Variants in PTPRD observed in about 807,000 individuals in gnomAD.
PTPRD encodes the protein receptor-type tyrosine-protein phosphatase delta.
A neutral mutation model predicts 214.5 loss-of-function variants in PTPRD; 34 were observed. The observed-to-expected ratio is 0.16, with a 90% confidence interval of 0.12 to 0.21. The LOEUF (loss-of-function observed/expected upper bound fraction) is 0.21. Among genes scored for constraint, PTPRD ranks in the 10% least tolerant of loss-of-function variants. The pLI, the probability that PTPRD is intolerant of heterozygous loss-of-function variation, is 1.00. For synonymous variants in PTPRD, 1,128 were observed against 845.7 expected (o/e 1.33, Z -5.79); for missense variants, 2,545 against 2,398.7 (o/e 1.06, Z -1.27).
intron 9 of PTPRD, among the ~76,000 whole-genome samples, chr9:9,275,199 T>TATATATGTTATATATA (rs1491465404): frequency 9.6e-5 from 1 of 10,394 alleles, no homozygotes; most frequent in African/African-American, 2.4e-4. Flanking sequence ...TATATATATA[T>TATATATGTTATATATA]TATATATATA....
chr9:10,609,671 T>C (rs968165096), intron 2 of PTPRD, among the ~76,000 whole-genome samples: 1 of 152,130 alleles, frequency 6.6e-6, no homozygotes, highest in African/African-American at 2.4e-5. Context: ...AGGAAAGATA[T>C]CATGGCATTC....
chr9:9,487,305 G>C (rs1050444995), intron 8 of PTPRD, among the ~76,000 whole-genome samples: 1 of 151,404 alleles, frequency 6.6e-6, no homozygotes, highest in Admixed American at 6.6e-5. Flanking sequence ...GTGAGAACAT[G>C]TGGTGTTTAG....
chr9:9,712,749 G>A (rs1479062288), intron 7 of PTPRD, among the ~76,000 whole-genome samples: 1 of 152,082 alleles, frequency 6.6e-6, no homozygotes, highest in East Asian at 1.9e-4. Flanking sequence ...TGCTTCATCT[G>A]AGCACTTAAA....
chr9:9,620,313 A>G (rs2095167567), intron 7 of PTPRD, among the ~76,000 whole-genome samples: 1 of 151,628 alleles, frequency 6.6e-6, no homozygotes, highest in Admixed American at 6.6e-5. Flanking sequence ...GGTAAGAACT[A>G]TGCCAAATTG....
At chr9:8,520,336 T>G (rs1007418470) in intron 20 of PTPRD, among the ~76,000 whole-genome samples, 1 of 152,162 alleles carries the variant, frequency 6.6e-6, no homozygotes, top group African/African-American at 2.4e-5. Flanking sequence ...TTATATAGCA[T>G]ATATTTGATA....
At position 10,050,559 on chromosome 9, in the gene PTPRD, C is replaced by CAAAAAAAAAAAAAAAAAAAAAA. The variant is rs1164243746; in HGVS notation, c.-544-16791_-544-16770dup. ...TGGGCAATAAAGAGAGAGTCTGTCTCAAAAAAAAAAAAAAAAAAAAAAAAA... is the reference window on the plus strand; with the variant it reads ...TGGGCAATAAAGAGAGAGTCTGTCTCAAAAAAAAAAAAAAAAAAAAAAAAAAAAAAAAAAAAAAAAAAAAAAA... On this transcript the variant is annotated intron_variant, in intron 3 of 45. Transcript: ENST00000381196. 3.6e-4 allele frequency among the ~76,000 whole-genome samples: 5 copies of CAAAAAAAAAAAAAAAAAAAAAA among 14,000 alleles called. 1 individual carries two copies. The highest frequency in any genetic ancestry group is 9.5e-4 in the African/African-American group (5 of 5,238). 9.2% of individuals were successfully genotyped at this position (14,000 alleles called of 152,430 possible).
chr9:10,158,432 T>G (rs971588898), intron 3 of PTPRD, among the ~76,000 whole-genome samples: 2 of 152,220 alleles, frequency 1.3e-5, no homozygotes, highest in Admixed American at 6.5e-5. Context: ...TAATAATGAA[T>G]TGCTCTGTTA....
At chr9:9,774,345 G>A (rs1037048965) in intron 5 of PTPRD, among the ~76,000 whole-genome samples, 4 of 152,156 alleles carry the variant, frequency 2.6e-5, no homozygotes. Flanking sequence ...CACATTTTAA[G>A]ATGTATTTTA....
intron 5 of PTPRD, among the ~76,000 whole-genome samples, chr9:9,937,366 CTTCT>C (rs34733943): frequency 0.36 from 53,948 of 149,828 alleles, 10,304 homozygotes; most frequent in East Asian, 0.73. Context: ...ATGCCTGCTC[CTTCT>C]TTCATGTCAG....
intron 11 of PTPRD, among the ~76,000 whole-genome samples, chr9:8,805,421 T>G (rs1448280609): frequency 6.6e-6 from 1 of 152,134 alleles, no homozygotes; most frequent in African/African-American, 2.4e-5. Context: ...GAAAATATTA[T>G]GCACATCATC....
chr9:10,334,082 A>T (rs1180026874), intron 3 of PTPRD, among the ~76,000 whole-genome samples: 1 of 151,750 alleles, frequency 6.6e-6, no homozygotes, highest in Non-Finnish European at 1.5e-5. Flanking sequence ...AAATATTATG[A>T]TATCAATGAC....
At chr9:9,159,770 G>C (rs185240959) in intron 10 of PTPRD, among the ~76,000 whole-genome samples, 5 of 152,174 alleles carry the variant, frequency 3.3e-5, no homozygotes, top group African/African-American at 1.2e-4. Flanking sequence ...TGAGCAAAAA[G>C]AATAAAATAG....
intron 36 of PTPRD, among the ~76,000 whole-genome samples, chr9:8,396,734 A>G (rs1357961437): frequency 6.6e-6 from 1 of 152,138 alleles, no homozygotes; most frequent in Non-Finnish European, 1.5e-5. Context: ...AACAGATATA[A>G]CAGCACTTGC....
At chr9:10,075,515 T>C (rs1238992177) in intron 3 of PTPRD, among the ~76,000 whole-genome samples, 2 of 151,994 alleles carry the variant, frequency 1.3e-5, no homozygotes, top group Admixed American at 6.6e-5. Context: ...ATATTTTATA[T>C]TAATCCATCA....
intron 10 of PTPRD, among the ~76,000 whole-genome samples, chr9:9,062,243 A>G (rs527422460): frequency 3.6e-4 from 55 of 152,274 alleles, no homozygotes; most frequent in Non-Finnish European, 6.2e-4. Flanking sequence ...GCACAGTTTG[A>G]CCTTCATTTT....
intron 3 of PTPRD, among the ~76,000 whole-genome samples, chr9:10,087,609 T>C (rs1360328216): frequency 6.6e-6 from 1 of 151,664 alleles, no homozygotes; most frequent in Non-Finnish European, 1.5e-5. Flanking sequence ...TCCGGAGTGC[T>C]ATGAGAACTC....
At chr9:9,637,953 C>T (rs1255407273) in intron 7 of PTPRD, among the ~76,000 whole-genome samples, 1 of 152,152 alleles carries the variant, frequency 6.6e-6, no homozygotes, top group Non-Finnish European at 1.5e-5. Flanking sequence ...GTGAACATCA[C>T]CAAGGTTACA....
chr9:8,806,587 C>G (rs1566215790), intron 11 of PTPRD, among the ~76,000 whole-genome samples: 1 of 152,104 alleles, frequency 6.6e-6, no homozygotes, highest in Non-Finnish European at 1.5e-5. Context: ...AAATATCCAG[C>G]AAGTATTGAC....
intron 3 of PTPRD, among the ~76,000 whole-genome samples, chr9:10,060,130 G>A (rs1218081564): frequency 6.6e-6 from 1 of 151,986 alleles, no homozygotes; most frequent in Non-Finnish European, 1.5e-5. Flanking sequence ...AAATAGCTTT[G>A]TCTACCAAAG....
Sources: gnomAD v4.1 joint callset for allele counts (sites outside exome capture counted in the v4.1 genomes callset) on GRCh38, gnomAD v4.1.1 for gene constraint, MANE v1.5 for transcripts, NCBI Gene and HGNC (gene_info 2026-07-23, HGNC 2026-07-21) for gene names.